NLK: variants seen among roughly 807,000 people sequenced by gnomAD.
NLK encodes serine/threonine-protein kinase NLK.
NLK carries 11 observed loss-of-function variants against 59.0 expected under a neutral mutation model. The ratio of observed to expected loss-of-function variants is 0.19; its 90% CI spans 0.12 to 0.31. NLK has a LOEUF of 0.31. NLK is among the 10% of genes least tolerant of loss of function. The pLI is 1.00. For missense variants in NLK, 410 were observed against 661.1 expected, an observed-to-expected ratio of 0.62 and a Z score of 4.16; for synonymous variants, 235 against 235.9, an observed-to-expected ratio of 1.00 and a Z score of 0.03.
At chr17:28,070,031 T>G (rs1415563784) in intron 1 of NLK, among the ~76,000 whole-genome samples, 2 of 151,822 alleles carry the variant, frequency 1.3e-5, no homozygotes, top group Non-Finnish European at 2.9e-5. Context: ...AGGTCAGGAG[T>G]TCGAGATCAG....
chr17:28,133,842 CA>C (rs1906621114), intron 3 of NLK, among the ~76,000 whole-genome samples: 1 of 152,034 alleles, frequency 6.6e-6, no homozygotes, highest in Non-Finnish European at 1.5e-5. Flanking sequence ...CATTCTTACA[CA>C]GGGGGTTGGT....
intron 1 of NLK, among the ~76,000 whole-genome samples, chr17:28,053,621 CTT>C (rs1383230354): frequency 2.6e-5 from 4 of 152,148 alleles, no homozygotes; most frequent in African/African-American, 9.7e-5. Flanking sequence ...AACACAGAAA[CTT>C]TTTGTTTATC....
chr17:28,146,185 C>T (rs1330074068), intron 3 of NLK, among the ~76,000 whole-genome samples: 1 of 152,076 alleles, frequency 6.6e-6, no homozygotes, highest in Non-Finnish European at 1.5e-5. Flanking sequence ...CACTTACTAG[C>T]TTTTTGACCT....
chr17:28,098,271 A>G (rs1007458307), intron 1 of NLK, among the ~76,000 whole-genome samples: 11 of 152,232 alleles, frequency 7.2e-5, no homozygotes, highest in African/African-American at 2.7e-4. Flanking sequence ...TGTGATAACA[A>G]TGATTGAAGT....
intron 2 of NLK, among the ~76,000 whole-genome samples, chr17:28,124,678 G>A (rs1451089199): frequency 7.2e-5 from 11 of 152,260 alleles, no homozygotes; most frequent in East Asian, 5.8e-4. Flanking sequence ...ATCAAAGAGT[G>A]CAGACCTTCT....
At chr17:28,190,964 A>G in intron 8 of NLK, 57 bp from the exon 9 acceptor site, 1 of 1,237,872 alleles carries the variant, frequency 8.1e-7, no homozygotes, top group East Asian at 2.3e-5. Context: ...GAAAGATCCT[A>G]TGTGGACAGT....
intron 1 of NLK, among the ~76,000 whole-genome samples, chr17:28,115,245 C>T (rs1384815495): frequency 6.6e-6 from 1 of 152,192 alleles, no homozygotes; most frequent in Non-Finnish European, 1.5e-5. Context: ...CCTCCACCAC[C>T]ACCCTTGCAG....
At chr17:28,086,960 A>T (rs1320539359) in intron 1 of NLK, among the ~76,000 whole-genome samples, 2 of 151,760 alleles carry the variant, frequency 1.3e-5, no homozygotes, top group Non-Finnish European at 2.9e-5. Flanking sequence ...AGGTAAGAGG[A>T]TCACTTGAGC....
chr17:28,060,637 G>C (rs1909600136), intron 1 of NLK, among the ~76,000 whole-genome samples: 1 of 152,142 alleles, frequency 6.6e-6, no homozygotes, highest in African/African-American at 2.4e-5. Context: ...GCAAAAGCTA[G>C]AGAATGGGCA....
intron 8 of NLK, among the ~76,000 whole-genome samples, chr17:28,186,745 T>C (rs1784017687): frequency 2.0e-5 from 3 of 152,166 alleles, no homozygotes; most frequent in Admixed American, 1.3e-4. Flanking sequence ...CCTGCCCCCA[T>C]CATTCAGTTA....
intron 1 of NLK, among the ~76,000 whole-genome samples, chr17:28,100,094 G>A (rs891742673): frequency 6.6e-6 from 1 of 152,052 alleles, no homozygotes; most frequent in Admixed American, 6.5e-5. Context: ...CATAGCTCTT[G>A]GGTAAATACC....
chr17:28,049,451 A>G (rs1909172223), intron 1 of NLK, among the ~76,000 whole-genome samples: 1 of 152,196 alleles, frequency 6.6e-6, no homozygotes, highest in Admixed American at 6.5e-5. Context: ...TGCAAGCACC[A>G]AATGGGGATA....
chr17:28,185,702 C>G (rs1909090352), intron 8 of NLK, among the ~76,000 whole-genome samples: 1 of 152,074 alleles, frequency 6.6e-6, no homozygotes. Flanking sequence ...GCATGCTCAG[C>G]TAATTTCTAA....
chr17:28,088,701 A>G (rs571552820), intron 1 of NLK, among the ~76,000 whole-genome samples: 19 of 152,262 alleles, frequency 1.2e-4, no homozygotes, highest in African/African-American at 3.9e-4. Flanking sequence ...AGTCCTTTTG[A>G]CATAACCCTA....
At chr17:28,167,701 A>C (rs1056466747) in intron 5 of NLK, among the ~76,000 whole-genome samples, 61 of 150,590 alleles carry the variant, frequency 4.1e-4, no homozygotes, top group Admixed American at 1.8e-3. Flanking sequence ...AAAAAAAAAA[A>C]CCCACAAAAA....
intron 1 of NLK, among the ~76,000 whole-genome samples, chr17:28,100,563 A>C (rs563171695): frequency 5.5e-4 from 84 of 152,264 alleles, no homozygotes; most frequent in African/African-American, 1.9e-3. Context: ...TAAAGTGTGG[A>C]GACCTTCCCT....
rs1233555464 is a variant in NLK, at chr17:28,168,488, A to C, written c.878A>C (p.Glu293Ala). ...TTGGCCAGAGTGGAAGAATTAGATG[A>C]ATCCCGTCATATGACTCAGGAAGTT... ...FGLARVEELDESRHMTQEVVT... is the reference protein window; with the variant it reads ...FGLARVEELDASRHMTQEVVT... The change falls in exon 6 of 11, where the codon GAA becomes GCA. Residue 293 changes from glutamate to alanine, a missense_variant. Glu to Ala is a moderately radical substitution (Grantham distance 107, BLOSUM62 -1). Transcript: ENST00000407008. 1 of 1,613,942 alleles carries C rather than the reference A, an allele frequency of 6.2e-7. No individual in the cohort carries two copies.
intron 7 of NLK, among the ~76,000 whole-genome samples, chr17:28,175,812 A>G (rs1233988329): frequency 6.6e-6 from 1 of 152,252 alleles, no homozygotes; most frequent in Non-Finnish European, 1.5e-5. Context: ...TCTAAAAATT[A>G]TACATTGTGA....
chr17:28,133,491 T>C (rs1037870893), intron 3 of NLK, among the ~76,000 whole-genome samples: 2 of 152,180 alleles, frequency 1.3e-5, no homozygotes, highest in African/African-American at 4.8e-5. Context: ...TAATGAACTA[T>C]AAAATAATGT....
Sources: allele counts gnomAD v4.1 joint callset (sites outside exome capture counted in the v4.1 genomes callset), GRCh38; gene constraint gnomAD v4.1.1; transcripts MANE v1.5; gene names NCBI Gene and HGNC (gene_info 2026-07-23, HGNC 2026-07-21).